The following ITPK1 variants were observed in gnomAD, a reference collection of about 807,000 sequenced individuals.
ITPK1 encodes the protein inositol 1,3,4-trisphosphate 5/6-kinase.
In ITPK1, 21 loss-of-function variants were observed where a neutral mutation model predicts 45.3. The ratio of observed to expected loss-of-function variants is 0.46; its 90% CI spans 0.33 to 0.67. The LOEUF is 0.67. Among genes scored for constraint, ITPK1 ranks in the 30% least tolerant of loss-of-function variants. The pLI is 0.02. For missense variants in ITPK1, 474 were observed against 573.5 expected (o/e 0.83, Z 1.77); for synonymous variants, 258 against 253.6 (o/e 1.02, Z -0.16).
Position 92,940,474 on chromosome 14 carries a change from C to A in ITPK1, c.*1087G>T, listed in dbSNP as rs1453327367. ...GGGGCGGGTGGCTCCCTGGCACCTG[C>A]TGGCTCAGTGCTTGGGGCTTGCAAT... On this transcript the variant is annotated 3_prime_UTR_variant, in exon 11 of 11. Coordinates refer to ENST00000267615, the MANE Select transcript of ITPK1 (RefSeq NM_014216.6). The A allele has an allele frequency of 1.8e-6, 2 of 1,120,318 alleles. No homozygotes were observed. The highest frequency in any genetic ancestry group is 2.2e-6 in the Non-Finnish European group (2 of 906,930). The allele number at this position is 1,120,318 out of a possible 1,614,324, so 69.4% of individuals were successfully genotyped here.
At chr14:92,955,796 C>T (rs377324051) in intron 8 of ITPK1, among the ~76,000 whole-genome samples, 11 of 152,328 alleles carry the variant, frequency 7.2e-5, no homozygotes, top group East Asian at 3.9e-4. Context: ...TGCGTGGCCA[C>T]GGGAAGTTGG....
intron 3 of ITPK1, among the ~76,000 whole-genome samples, chr14:93,037,882 C>T (rs528285105): frequency 2.6e-5 from 4 of 152,228 alleles, no homozygotes; most frequent in South Asian, 2.1e-4. Context: ...ACTCAGGGAT[C>T]GAAAAATTTT....
intron 5 of ITPK1, among the ~76,000 whole-genome samples, chr14:92,972,227 C>G (rs900035221): frequency 6.6e-6 from 1 of 152,200 alleles, no homozygotes; most frequent in Non-Finnish European, 1.5e-5. Flanking sequence ...ATGGGCTGAG[C>G]GCTGTTTCCA....
intron 1 of ITPK1, 62 bp downstream of exon 1, chr14:93,115,710 C>T (rs972088882): frequency 4.0e-5 from 6 of 150,268 alleles, no homozygotes; most frequent in African/African-American, 1.5e-4. Context: ...GCCGTAACCC[C>T]TGGGCGCGCT....
chr14:92,979,836 C>CAG (rs202164799), intron 5 of ITPK1, among the ~76,000 whole-genome samples: 1 of 150,348 alleles, frequency 6.7e-6, no homozygotes, highest in East Asian at 2.0e-4. Flanking sequence ...TTTTTGGAGA[C>CAG]AGAGTCTCAC....
intron 3 of ITPK1, among the ~76,000 whole-genome samples, chr14:93,044,740 C>T (rs1889709218): frequency 6.6e-6 from 1 of 152,224 alleles, no homozygotes; most frequent in Admixed American, 6.5e-5. Flanking sequence ...AAGGGTGTGG[C>T]CTCTGTCTAT....
At chr14:93,068,469 T>C (rs531481720) in intron 3 of ITPK1, 2 of 152,486 alleles carry the variant, frequency 1.3e-5, no homozygotes, top group South Asian at 2.1e-4. Context: ...AAGTCTACCA[T>C]GGGCTGTCCC....
Position 92,940,650 on chromosome 14 carries a change from C to T in ITPK1, c.*911G>A, listed in dbSNP as rs1887318406. On this transcript the variant is annotated 3_prime_UTR_variant, in exon 11 of 11. Coordinates refer to ENST00000267615, the MANE Select transcript of ITPK1 (RefSeq NM_014216.6). ...GGTGACTTTATGGAAAGGCAGGCTG[C>T]ATCCCAGGGGTTAGGGCACAAAGCC... 1.6e-6 allele frequency: 2 copies of T among 1,240,700 alleles called. No individual in the cohort carries two copies. Among genetic ancestry groups the T allele is most frequent in the Non-Finnish European group, 2.1e-6 (2 of 964,900 alleles). The allele number at this position is 1,240,700 out of a possible 1,614,324, so 76.9% of individuals were successfully genotyped here.
In ITPK1 at chr14:93,094,567, C is replaced by T. The variant is rs138557265; in HGVS notation, c.96-17948G>A. 3.1e-3 allele frequency among the ~76,000 whole-genome samples: 477 copies of T among 152,282 alleles called. 1 individual carries two copies. The highest frequency in any genetic ancestry group is 5.5e-3 in the Non-Finnish European group (371 of 67,992). ...ACTCCTCATCTCCCCTCACACCAGCCCTACGATCATCTCCCTGGCGGAAGC... is the reference window on the plus strand; with the variant it reads ...ACTCCTCATCTCCCCTCACACCAGCTCTACGATCATCTCCCTGGCGGAAGC... On this transcript the variant is annotated intron_variant, in intron 2 of 10. Transcript: ENST00000267615.
At chr14:92,960,237 G>A (rs1173003897) in intron 7 of ITPK1, among the ~76,000 whole-genome samples, 2 of 152,176 alleles carry the variant, frequency 1.3e-5, no homozygotes, top group Non-Finnish European at 2.9e-5. Flanking sequence ...GCTAGAATGA[G>A]GAGTGATTTA....
At chr14:92,992,746 C>T (rs1332961718) in intron 5 of ITPK1, among the ~76,000 whole-genome samples, 4 of 152,330 alleles carry the variant, frequency 2.6e-5, no homozygotes, top group African/African-American at 7.2e-5. Flanking sequence ...GAATAGGGGC[C>T]GGGGAGCCTG....
At position 92,946,717 on chromosome 14, in the gene ITPK1, T is replaced by A. The variant is rs114517068; in HGVS notation, c.739-224A>T. Among the ~76,000 whole-genome samples the A allele has an allele frequency of 7.4e-3, 1,121 of 152,320 alleles. 12 individuals carry two copies. Among genetic ancestry groups the A allele is most frequent in the African/African-American group, 0.026 (1,070 of 41,578 alleles). On this transcript the variant is annotated intron_variant, in intron 9 of 10. Transcript: ENST00000267615. ...AGGCTCATTACCTCCTGTGGGCTCA[T>A]CACAGCCTGGAAGGCCAGTGCCAGC...
intron 2 of ITPK1, among the ~76,000 whole-genome samples, chr14:93,111,561 A>T (rs1291367002): frequency 1.3e-5 from 2 of 151,982 alleles, no homozygotes; most frequent in African/African-American, 2.4e-5. Context: ...AAATACAAAA[A>T]TTAGCCAGGC....
Position 92,958,448 on chromosome 14 carries a change from A to T in ITPK1, c.505-82T>A. On this transcript the variant is annotated intron_variant, in intron 7 of 10. Transcript: ENST00000267615. The surrounding 1 kb of genome is among the most constrained non-coding windows in gnomAD (Gnocchi z 4.4). ...ACACACAGGTGTGTCACCTGTCCAGAGCACCTCCACCAAGGCCCATCCCTG... is the reference window on the plus strand; with the variant it reads ...ACACACAGGTGTGTCACCTGTCCAGTGCACCTCCACCAAGGCCCATCCCTG... 5 of 1,380,346 alleles carry T rather than the reference A, an allele frequency of 3.6e-6. No individual in the cohort carries two copies. Among genetic ancestry groups the T allele is most frequent in the East Asian group, 2.3e-5 (1 of 42,860 alleles). 85.5% of individuals were successfully genotyped at this position (1,380,346 alleles called of 1,614,324 possible).
intron 3 of ITPK1, among the ~76,000 whole-genome samples, chr14:93,066,873 C>T (rs766708399): frequency 5.9e-5 from 9 of 152,162 alleles, no homozygotes; most frequent in Non-Finnish European, 8.8e-5. Context: ...GATGGTTCTG[C>T]GCCCAGCTGG....
intron 3 of ITPK1, among the ~76,000 whole-genome samples, chr14:93,074,390 T>C (rs1891133810): frequency 6.6e-6 from 1 of 152,224 alleles, no homozygotes; most frequent in Admixed American, 6.5e-5. Context: ...TTAGTCTAAA[T>C]CTTCCCAGAA....
chr14:93,098,802 C>T (rs10132511), intron 2 of ITPK1, among the ~76,000 whole-genome samples: 5 of 152,170 alleles, frequency 3.3e-5, no homozygotes, highest in African/African-American at 7.2e-5. Flanking sequence ...CTTCCCTTCC[C>T]GAGCTTCCCT....
intron 3 of ITPK1, among the ~76,000 whole-genome samples, chr14:93,023,798 T>C (rs1213315189): frequency 2.6e-5 from 4 of 152,160 alleles, no homozygotes; most frequent in Non-Finnish European, 5.9e-5. Context: ...GGAGCCTTGA[T>C]AGAGCCACAT....
At chr14:93,111,421 T>C (rs1892748120) in intron 2 of ITPK1, among the ~76,000 whole-genome samples, 1 of 152,028 alleles carries the variant, frequency 6.6e-6, no homozygotes, top group Non-Finnish European at 1.5e-5. Context: ...CTTCTGAGCA[T>C]CTAGAAAAAG....
Sources: gnomAD v4.1 joint callset for allele counts (sites outside exome capture counted in the v4.1 genomes callset) on GRCh38, gnomAD v4.1.1 for gene constraint, Gnocchi (gnomAD v3.1) non-coding constraint, MANE v1.5 for transcripts, NCBI Gene and HGNC (gene_info 2026-07-23, HGNC 2026-07-21) for gene names.